Variants in TSHZ2 observed in about 807,000 individuals in gnomAD.
The protein encoded by TSHZ2 is teashirt zinc finger homeobox 2, also known as teashirt homolog 2.
Under a neutral mutation model 74.4 loss-of-function variants are expected in TSHZ2, and 21 were observed. The ratio of observed to expected loss-of-function variants is 0.28; its 90% CI spans 0.20 to 0.41. TSHZ2 has a LOEUF of 0.41. Among genes scored for constraint, TSHZ2 ranks in the 10% least tolerant of loss-of-function variants. The probability of loss-of-function intolerance (pLI) is 1.00; values close to 1 mark genes in which losing one functional copy is unlikely to be tolerated. For missense variants in TSHZ2, 1,244 were observed against 1,293.5 expected (o/e 0.96, Z 0.59); for synonymous variants, 540 against 515.3 (o/e 1.05, Z -0.65).
At chr20:53,407,163 C>T (rs1982885033) in intron 2 of TSHZ2, among the ~76,000 whole-genome samples, 1 of 152,208 alleles carries the variant, frequency 6.6e-6, no homozygotes, top group Non-Finnish European at 1.5e-5. Context: ...ATGTGACCTC[C>T]AGCTTTCTTC....
chr20:53,240,981 G>T (rs987408300), intron 1 of TSHZ2, among the ~76,000 whole-genome samples: 6 of 152,186 alleles, frequency 3.9e-5, no homozygotes, highest in Non-Finnish European at 8.8e-5. Flanking sequence ...TAAATCACCA[G>T]ATAGTGCTGT....
intron 2 of TSHZ2, among the ~76,000 whole-genome samples, chr20:53,321,461 G>A (rs953121153): frequency 2.6e-5 from 4 of 151,838 alleles, no homozygotes; most frequent in African/African-American, 9.7e-5. Flanking sequence ...CGAAGCAGGC[G>A]GATCACGAGG....
chr20:53,184,884 T>A (rs1988564239), intron 1 of TSHZ2, among the ~76,000 whole-genome samples: 1 of 152,100 alleles, frequency 6.6e-6, no homozygotes, highest in Non-Finnish European at 1.5e-5. Context: ...ATTTTTATAT[T>A]TTTAGTATAG....
intron 2 of TSHZ2, among the ~76,000 whole-genome samples, chr20:53,337,089 C>T (rs1979979600): frequency 1.3e-5 from 2 of 152,126 alleles, no homozygotes; most frequent in African/African-American, 2.4e-5. Context: ...AAGGCTGACA[C>T]CTGCAGGGCT....
chr20:53,405,395 G>A (rs1208084974), intron 2 of TSHZ2, among the ~76,000 whole-genome samples: 1 of 152,192 alleles, frequency 6.6e-6, no homozygotes, highest in African/African-American at 2.4e-5. Context: ...ACCGGGGACT[G>A]ACATATATTA....
intron 2 of TSHZ2, among the ~76,000 whole-genome samples, chr20:53,276,744 A>G (rs1990954324): frequency 6.6e-6 from 1 of 152,150 alleles, no homozygotes; most frequent in African/African-American, 2.4e-5. Context: ...GTGGAGCGAG[A>G]CCTTGTGAAT....
intron 2 of TSHZ2, among the ~76,000 whole-genome samples, chr20:53,341,610 C>T (rs1392283846): frequency 6.6e-6 from 1 of 152,090 alleles, no homozygotes; most frequent in African/African-American, 2.4e-5. Context: ...CAGGCTTAAA[C>T]CGCCATACCC....
chr20:53,262,467 T>C (rs757482501), intron 2 of TSHZ2, among the ~76,000 whole-genome samples: 1 of 152,258 alleles, frequency 6.6e-6, no homozygotes, highest in Non-Finnish European at 1.5e-5. Context: ...ATTACTGTCA[T>C]AGACTGCACA....
chr20:53,460,265 C>CT (rs975606513), intron 2 of TSHZ2, among the ~76,000 whole-genome samples: 31 of 151,986 alleles, frequency 2.0e-4, no homozygotes, highest in Non-Finnish European at 4.0e-4. Context: ...TCTTTTTATT[C>CT]TTTTTTCTCT....
At chr20:53,121,391 A>G (rs1260524262) in intron 1 of TSHZ2, among the ~76,000 whole-genome samples, 1 of 152,064 alleles carries the variant, frequency 6.6e-6, no homozygotes, top group Non-Finnish European at 1.5e-5. Context: ...TATAGCCTTC[A>G]TTGTCTAGCT....
At position 52,973,011 on chromosome 20, in the gene TSHZ2, A is replaced by AG; in HGVS notation, c.-281dup. 2.6e-6 allele frequency: 1 copy of AG among 389,560 alleles called. No individual in the cohort carries two copies. The highest frequency in any genetic ancestry group is 4.5e-6 in the Non-Finnish European group (1 of 222,250). The allele number at this position is 389,560 out of a possible 1,614,324, so 24.1% of individuals were successfully genotyped here. On this transcript the variant is annotated 5_prime_UTR_variant, in exon 1 of 3. An upstream open reading frame in the 5' UTR gains an earlier in-frame stop. Coordinates refer to ENST00000371497, the MANE Select transcript of TSHZ2 (RefSeq NM_173485.6). The stretch of plus-strand genomic sequence containing the variant: ...CCAAAAGCAAAAACAAAAAAGAGAG[A>AG]GGAAAAAAAATTCAAAATAAACAAA...
At chr20:53,133,213 T>C (rs1987154296) in intron 1 of TSHZ2, among the ~76,000 whole-genome samples, 1 of 152,188 alleles carries the variant, frequency 6.6e-6, no homozygotes, top group Non-Finnish European at 1.5e-5. Flanking sequence ...ACCACTGCCA[T>C]GGTTGGCTTC....
chr20:52,982,614 A>C (rs1370635637), intron 1 of TSHZ2, among the ~76,000 whole-genome samples: 1 of 152,226 alleles, frequency 6.6e-6, no homozygotes, highest in African/African-American at 2.4e-5. Flanking sequence ...AGTAGACAAG[A>C]ATAGAGATGC....
chr20:52,991,298 T>C (rs1981979470), intron 1 of TSHZ2, among the ~76,000 whole-genome samples: 1 of 146,792 alleles, frequency 6.8e-6, no homozygotes, highest in Non-Finnish European at 1.5e-5. Flanking sequence ...GTGTGGATTA[T>C]GTATGTTGTG....
intron 2 of TSHZ2, among the ~76,000 whole-genome samples, chr20:53,284,177 T>G (rs1568851478): frequency 6.6e-6 from 1 of 152,068 alleles, no homozygotes. Context: ...GAGAATGGAG[T>G]GTGTCTGTTA....
At chr20:53,395,661 A>T (rs1982418150) in intron 2 of TSHZ2, among the ~76,000 whole-genome samples, 1 of 152,242 alleles carries the variant, frequency 6.6e-6, no homozygotes, top group East Asian at 1.9e-4. Flanking sequence ...ATAATCTGAA[A>T]TTGGTCCAAG....
chr20:53,077,729 G>T (rs1438910922), intron 1 of TSHZ2, among the ~76,000 whole-genome samples: 3 of 152,214 alleles, frequency 2.0e-5, no homozygotes, highest in African/African-American at 7.2e-5. Context: ...AGGCCAGTCA[G>T]TGTGGCAATT....
At chr20:53,007,737 CGTGTGTGT>C (rs35218931) in intron 1 of TSHZ2, among the ~76,000 whole-genome samples, 3 of 147,982 alleles carry the variant, frequency 2.0e-5, no homozygotes, top group Non-Finnish European at 4.5e-5. Flanking sequence ...TATGTATATT[CGTGTGTGT>C]GTGTGTGTGT....
At chr20:53,377,634 C>A (rs551433529) in intron 2 of TSHZ2, among the ~76,000 whole-genome samples, 8 of 152,076 alleles carry the variant, frequency 5.3e-5, no homozygotes, top group Non-Finnish European at 1.0e-4. Flanking sequence ...CCAAGGAGGG[C>A]GGATCACTTT....
Sources: gnomAD v4.1 joint callset for allele counts (sites outside exome capture counted in the v4.1 genomes callset) on GRCh38, gnomAD v4.1.1 for gene constraint, MANE v1.5 for transcripts, NCBI Gene and HGNC (gene_info 2026-07-23, HGNC 2026-07-21) for gene names.